SHTN1: variants seen among roughly 807,000 people sequenced by gnomAD.
SHTN1 encodes shootin-1.
In SHTN1, 42 loss-of-function variants were observed where a neutral mutation model predicts 83.1. The observed-to-expected ratio is 0.51, with a 90% CI of 0.39 to 0.65. The LOEUF is 0.65. Among genes scored for constraint, SHTN1 ranks in the 30% least tolerant of loss-of-function variants. The pLI, the probability that SHTN1 is intolerant of heterozygous loss-of-function variation, is 0.00. For synonymous variants in SHTN1, 224 were observed against 247.7 expected, an observed-to-expected ratio of 0.90 and a Z score of 0.90; for missense variants, 622 against 737.8, an observed-to-expected ratio of 0.84 and a Z score of 1.82.
At chr10:116,940,146 T>C (rs1849315624) in intron 9 of SHTN1, among the ~76,000 whole-genome samples, 2 of 152,168 alleles carry the variant, frequency 1.3e-5, no homozygotes, top group African/African-American at 4.8e-5. Context: ...AAATATAACA[T>C]TTCCAAAAAT....
intron 1 of SHTN1, among the ~76,000 whole-genome samples, chr10:117,108,558 G>C (rs1257392821): frequency 8.2e-6 from 1 of 122,410 alleles, no homozygotes; most frequent in Non-Finnish European, 1.6e-5. Flanking sequence ...GGCCTGTCGT[G>C]GGGTGGGGGG....
At chr10:117,025,376 T>G (rs1852320552) in intron 2 of SHTN1, among the ~76,000 whole-genome samples, 1 of 152,178 alleles carries the variant, frequency 6.6e-6, no homozygotes, top group African/African-American at 2.4e-5. Flanking sequence ...GAATTGCCGA[T>G]CCCAGTAGTA....
intron 15 of SHTN1, among the ~76,000 whole-genome samples, chr10:116,905,701 C>T (rs907251837): frequency 2.0e-5 from 3 of 152,108 alleles, no homozygotes; most frequent in Non-Finnish European, 2.9e-5. Flanking sequence ...TAAACTGTTA[C>T]GATAGACTAC....
chr10:116,991,652 C>T (rs1851440549), intron 1 of SHTN1, among the ~76,000 whole-genome samples: 1 of 152,090 alleles, frequency 6.6e-6, no homozygotes, highest in African/African-American at 2.4e-5. Context: ...ACAAAAGCAC[C>T]AGGCCATTCA....
At chr10:117,012,029 C>T (rs1852114023) in intron 2 of SHTN1, among the ~76,000 whole-genome samples, 1 of 151,544 alleles carries the variant, frequency 6.6e-6, no homozygotes, top group Admixed American at 6.6e-5. Context: ...GTCCCAGCTA[C>T]TCCGGAGGCT....
chr10:117,095,433 G>A (rs910422249), intron 1 of SHTN1, among the ~76,000 whole-genome samples: 2 of 152,124 alleles, frequency 1.3e-5, no homozygotes, highest in African/African-American at 2.4e-5. Flanking sequence ...ACCCAGGGGG[G>A]AAACCACACA....
At chr10:117,073,770 T>G (rs1345128283) in intron 1 of SHTN1, among the ~76,000 whole-genome samples, 5 of 152,208 alleles carry the variant, frequency 3.3e-5, no homozygotes, top group Admixed American at 2.6e-4. Flanking sequence ...CCCCTAATTC[T>G]GTCTCCTTCA....
At chr10:117,109,552 A>ATTTTTT (rs1564962314) in intron 1 of SHTN1, among the ~76,000 whole-genome samples, 40 of 16,546 alleles carry the variant, frequency 2.4e-3, no homozygotes, top group East Asian at 7.4e-3. Context: ...AACATATATT[A>ATTTTTT]CTTTTTTTTT....
intron 1 of SHTN1, among the ~76,000 whole-genome samples, chr10:117,095,440 C>T (rs548542151): frequency 3.5e-4 from 53 of 152,270 alleles, no homozygotes; most frequent in Middle Eastern, 3.4e-3. Context: ...GGGGAAACCA[C>T]ACATTGAGAC....
intron 1 of SHTN1, among the ~76,000 whole-genome samples, chr10:117,071,386 C>T (rs1743066011): frequency 6.6e-6 from 1 of 152,204 alleles, no homozygotes. Flanking sequence ...GAAATGAAAT[C>T]TGCATGTCAG....
chr10:117,022,513 T>C lies in SHTN1; in HGVS notation c.-123+25932A>G, dbSNP rs547596069. 4.1e-4 allele frequency among the ~76,000 whole-genome samples: 63 copies of C among 152,248 alleles called. 1 individual carries two copies. The highest frequency in any genetic ancestry group is 1.3e-3 in the African/African-American group (53 of 41,552). On this transcript the variant is annotated intron_variant, in intron 2 of 17. Transcript: ENST00000392901. The stretch of plus-strand genomic sequence containing the variant: ...CATCAAAGATAACCACGTTTGAGGA[T>C]TGCAATATGCCATGAAAAAAAAAAT...
At chr10:117,038,696 C>T (rs1276952249) in intron 2 of SHTN1, among the ~76,000 whole-genome samples, 2 of 152,076 alleles carry the variant, frequency 1.3e-5, no homozygotes, top group Non-Finnish European at 2.9e-5. Flanking sequence ...AGACACCTAA[C>T]CAAAGAAGAT....
At chr10:116,974,109 G>T (rs768015727) in intron 2 of SHTN1, 81 of 1,077,730 alleles carry the variant, frequency 7.5e-5, no homozygotes, top group Non-Finnish European at 8.8e-5. Flanking sequence ...AGGCAAAAAA[G>T]AAGTGGTAGC....
chr10:117,002,674 T>G (rs952458379), intron 1 of SHTN1, among the ~76,000 whole-genome samples: 1 of 152,176 alleles, frequency 6.6e-6, no homozygotes, highest in African/African-American at 2.4e-5. Flanking sequence ...GGTCAAACAG[T>G]AACTGAACAC....
upstream of SHTN1, among the ~76,000 whole-genome samples, chr10:117,006,636 T>C (rs566604925): frequency 4.6e-4 from 70 of 151,942 alleles, no homozygotes; most frequent in Admixed American, 1.2e-3. Context: ...AAGCTGAAGG[T>C]TGCAGTTCTT....
At chr10:117,081,072 T>C (rs1276867140) in intron 1 of SHTN1, among the ~76,000 whole-genome samples, 1 of 151,884 alleles carries the variant, frequency 6.6e-6, no homozygotes, top group Non-Finnish European at 1.5e-5. Context: ...CAACACTATG[T>C]TGAATAGGAG....
At chr10:117,122,443 T>C (rs1481869927) in intron 1 of SHTN1, among the ~76,000 whole-genome samples, 1 of 152,172 alleles carries the variant, frequency 6.6e-6, no homozygotes, top group East Asian at 1.9e-4. Flanking sequence ...CCTCCCAAAG[T>C]GCTGGGATTA....
intron 1 of SHTN1, among the ~76,000 whole-genome samples, chr10:117,110,515 G>T (rs1383301192): frequency 1.3e-5 from 2 of 151,268 alleles, no homozygotes; most frequent in Admixed American, 1.3e-4. Context: ...CCATGCCTGG[G>T]TAATTTTTTT....
intron 4 of SHTN1, among the ~76,000 whole-genome samples, chr10:116,957,925 T>A (rs1029234277): frequency 2.0e-5 from 3 of 152,084 alleles, no homozygotes; most frequent in Non-Finnish European, 4.4e-5. Flanking sequence ...CTGGGTGTGG[T>A]GGCACATGCC....
Sources: allele counts gnomAD v4.1 joint callset (sites outside exome capture counted in the v4.1 genomes callset), GRCh38; gene constraint gnomAD v4.1.1; transcripts MANE v1.5; gene names NCBI Gene and HGNC (gene_info 2026-07-23, HGNC 2026-07-21).